CNTN4: variants seen among roughly 807,000 people sequenced by gnomAD.
CNTN4 encodes the protein contactin-4.
A neutral mutation model predicts 122.5 loss-of-function variants in CNTN4; 77 were observed. That is an observed-to-expected ratio of 0.63 (90% CI 0.52 to 0.76). The LOEUF (loss-of-function observed/expected upper bound fraction) is 0.76. CNTN4 is among the 30% of genes least tolerant of loss of function. The pLI, the probability that CNTN4 is intolerant of heterozygous loss-of-function variation, is 0.00. For missense variants in CNTN4, 1,256 were observed against 1,259.1 expected (o/e 1.00, Z 0.04); for synonymous variants, 512 against 447.0 (o/e 1.15, Z -1.83).
intron 3 of CNTN4, among the ~76,000 whole-genome samples, chr3:2,483,421 T>A (rs759311593): frequency 3.9e-5 from 6 of 152,252 alleles, no homozygotes; most frequent in Non-Finnish European, 7.3e-5. Context: ...TGGACTTGGA[T>A]TTTTGGGTTA....
intron 3 of CNTN4, among the ~76,000 whole-genome samples, chr3:2,436,170 A>G (rs941428219): frequency 3.3e-5 from 5 of 152,142 alleles, no homozygotes; most frequent in African/African-American, 7.2e-5. Flanking sequence ...CATTCAACCA[A>G]CATTTTTATT....
At chr3:2,535,106 G>A (rs1334839224) in intron 3 of CNTN4, among the ~76,000 whole-genome samples, 1 of 152,136 alleles carries the variant, frequency 6.6e-6, no homozygotes, top group Non-Finnish European at 1.5e-5. Flanking sequence ...AGGAATACCT[G>A]TCTATTATTT....
chr3:2,294,419 T>C (rs2042235191), intron 2 of CNTN4, among the ~76,000 whole-genome samples: 1 of 151,948 alleles, frequency 6.6e-6, no homozygotes, highest in African/African-American at 2.4e-5. Flanking sequence ...TCACTCGAGC[T>C]GTGAAGTTTG....
chr3:2,741,996 G>A (rs2089481230), intron 5 of CNTN4, among the ~76,000 whole-genome samples: 1 of 152,176 alleles, frequency 6.6e-6, no homozygotes, highest in African/African-American at 2.4e-5. Flanking sequence ...CAGTGTCTCT[G>A]TAACATAATA....
intron 2 of CNTN4, among the ~76,000 whole-genome samples, chr3:2,110,906 T>G (rs1252123592): frequency 2.6e-5 from 4 of 152,230 alleles, no homozygotes; most frequent in African/African-American, 9.6e-5. Context: ...GTATTTGTGA[T>G]ATGCTTGGCA....
At chr3:2,350,172 G>GTT (rs1047076570) in intron 3 of CNTN4, among the ~76,000 whole-genome samples, 1 of 152,182 alleles carries the variant, frequency 6.6e-6, no homozygotes, top group African/African-American at 2.4e-5. Flanking sequence ...GGAGAATGAA[G>GTT]TTTTAAAAGG....
chr3:2,991,048 A>G (rs1695008137), intron 14 of CNTN4, among the ~76,000 whole-genome samples: 1 of 152,232 alleles, frequency 6.6e-6, no homozygotes, highest in African/African-American at 2.4e-5. Flanking sequence ...TATGCAAAAA[A>G]TCATGAAGAT....
At chr3:2,935,332 T>C (rs12054418) in intron 13 of CNTN4, among the ~76,000 whole-genome samples, 105,614 of 152,074 alleles carry the variant, frequency 0.69, 36,937 homozygotes, top group Middle Eastern at 0.85. Flanking sequence ...AAAGGTAACA[T>C]TTGATTTTCA....
chr3:2,566,478 C>T (rs556583704), intron 3 of CNTN4, among the ~76,000 whole-genome samples: 2 of 152,250 alleles, frequency 1.3e-5, no homozygotes, highest in South Asian at 4.1e-4. Context: ...TGCCTTTATT[C>T]TTTCATTTAC....
chr3:2,667,396 G>T (rs1448222411), intron 4 of CNTN4, among the ~76,000 whole-genome samples: 1 of 152,150 alleles, frequency 6.6e-6, no homozygotes, highest in Non-Finnish European at 1.5e-5. Flanking sequence ...CTTCTTTTGA[G>T]AACTGTCTGT....
intron 3 of CNTN4, among the ~76,000 whole-genome samples, chr3:2,375,907 C>T (rs922978749): frequency 1.3e-5 from 2 of 151,584 alleles, no homozygotes; most frequent in South Asian, 4.2e-4. Flanking sequence ...GCCTGACATA[C>T]ATCAGTTGAA....
intron 3 of CNTN4, among the ~76,000 whole-genome samples, chr3:2,444,742 G>C (rs2048558520): frequency 6.6e-6 from 1 of 151,680 alleles, no homozygotes; most frequent in Admixed American, 6.6e-5. Flanking sequence ...TGGCTGGCTG[G>C]CTGGCTGGCT....
chr3:2,754,320 A>C (rs1232771773), intron 6 of CNTN4, among the ~76,000 whole-genome samples: 4 of 152,190 alleles, frequency 2.6e-5, no homozygotes, highest in African/African-American at 9.6e-5. Context: ...TCATCATCTC[A>C]GGCTGTAGAT....
chr3:3,014,168 C>T (rs1029268038), intron 14 of CNTN4, among the ~76,000 whole-genome samples: 2 of 151,794 alleles, frequency 1.3e-5, no homozygotes, highest in Non-Finnish European at 2.9e-5. Context: ...TTTGACTAAC[C>T]AAGACCTAGC....
intron 2 of CNTN4, among the ~76,000 whole-genome samples, chr3:2,156,002 T>G (rs940646250): frequency 9.2e-5 from 14 of 152,210 alleles, no homozygotes; most frequent in Admixed American, 6.5e-4. Flanking sequence ...TAGCTCGGGT[T>G]GCTTTTTCTC....
At chr3:2,627,876 C>A (rs1277809581) in intron 4 of CNTN4, among the ~76,000 whole-genome samples, 1 of 152,172 alleles carries the variant, frequency 6.6e-6, no homozygotes, top group Admixed American at 6.5e-5. Flanking sequence ...AACAGATTAA[C>A]ATTTAACATA....
At chr3:2,570,657 C>T (rs2079383001) in intron 3 of CNTN4, among the ~76,000 whole-genome samples, 1 of 152,168 alleles carries the variant, frequency 6.6e-6, no homozygotes, top group Non-Finnish European at 1.5e-5. Flanking sequence ...GACATGCCTC[C>T]ATTCCTCAGA....
intron 14 of CNTN4, among the ~76,000 whole-genome samples, chr3:3,001,797 T>C (rs1488719403): frequency 6.6e-6 from 1 of 152,222 alleles, no homozygotes; most frequent in Non-Finnish European, 1.5e-5. Context: ...AGACGACTAC[T>C]AGAGAAGAGA....
At chr3:2,266,424 AT>A (rs2041052675) in intron 2 of CNTN4, among the ~76,000 whole-genome samples, 1 of 151,964 alleles carries the variant, frequency 6.6e-6, no homozygotes, top group African/African-American at 2.4e-5. Context: ...TTTACGACTA[AT>A]TTTTCTCTTT....
Sources: allele counts gnomAD v4.1 joint callset (sites outside exome capture counted in the v4.1 genomes callset), GRCh38; gene constraint gnomAD v4.1.1; transcripts MANE v1.5; gene names NCBI Gene and HGNC (gene_info 2026-07-23, HGNC 2026-07-21).